The following NCAPD3 variants were observed in gnomAD, a reference collection of about 807,000 sequenced individuals.
NCAPD3 encodes condensin-2 complex subunit D3.
NCAPD3 carries 105 observed loss-of-function variants against 182.9 expected under a neutral mutation model. The observed-to-expected ratio is 0.57, with a 90% CI of 0.49 to 0.68. NCAPD3 has a LOEUF of 0.68. Ranked by LOEUF, NCAPD3 falls within the 30% of genes least tolerant of loss-of-function variation. NCAPD3 has a pLI of 0.00. For synonymous variants in NCAPD3, 815 were observed against 679.9 expected (o/e 1.20, Z -3.09); for missense variants, 1,944 against 1,837.0 (o/e 1.06, Z -1.07).
intron 3 of NCAPD3, among the ~76,000 whole-genome samples, chr11:134,213,839 A>C (rs922443797): frequency 6.6e-6 from 1 of 152,208 alleles, no homozygotes; most frequent in Non-Finnish European, 1.5e-5. Flanking sequence ...AAACAAGGAC[A>C]TAACATAATA....
At chr11:134,180,187 G>A (rs1944264142) in intron 20 of NCAPD3, among the ~76,000 whole-genome samples, 1 of 152,088 alleles carries the variant, frequency 6.6e-6, no homozygotes, top group Non-Finnish European at 1.5e-5. Context: ...TTCCCATAGT[G>A]AGGCTCTGTA....
chr11:134,179,033 C>T, intron 20 of NCAPD3, 97 bp from the exon 21 acceptor site: 2 of 775,340 alleles, frequency 2.6e-6, no homozygotes, highest in East Asian at 2.7e-5. Flanking sequence ...CCTTTATCCC[C>T]CAAATTTAAA....
At chr11:134,166,783 G>A (rs563055606) in intron 27 of NCAPD3, among the ~76,000 whole-genome samples, 20 of 113,790 alleles carry the variant, frequency 1.8e-4, no homozygotes, top group African/African-American at 4.6e-4. Context: ...TGGGGGAGGC[G>A]CACACTCGTG....
intron 3 of NCAPD3, among the ~76,000 whole-genome samples, chr11:134,215,994 C>T (rs1292432135): frequency 1.3e-5 from 2 of 152,204 alleles, no homozygotes; most frequent in Admixed American, 6.5e-5. Flanking sequence ...TAACAGCCAC[C>T]TCTTTGCTCT....
chr11:134,191,620 G>A (rs1486118324), intron 16 of NCAPD3, among the ~76,000 whole-genome samples: 1 of 152,116 alleles, frequency 6.6e-6, no homozygotes, highest in Non-Finnish European at 1.5e-5. Flanking sequence ...ACATTAACAT[G>A]AATTAATACA....
In NCAPD3 at chr11:134,158,572, T is replaced by C. The variant is rs1943493494; in HGVS notation, c.3868-77A>G. 23 of 1,455,680 alleles carry C rather than the reference T, an allele frequency of 1.6e-5. No homozygotes were observed. In the South Asian group the frequency reaches 1.6e-4, roughly 10 times the overall value. The allele number at this position is 1,455,680 out of a possible 1,614,324, so 90.2% of individuals were successfully genotyped here. A position where few individuals can be genotyped will look rare whatever the true frequency, so the allele number is the denominator to read the frequency against. On this transcript the variant is annotated intron_variant, in intron 29 of 34. Transcript: ENST00000534548. ...AAAACGGATATATGATAGTTGTACA[T>C]GGTTGGGGGTCCATATGAGATTTTG... is the stretch of plus-strand genomic sequence containing the variant.
intron 3 of NCAPD3, among the ~76,000 whole-genome samples, chr11:134,214,892 C>G (rs934067417): frequency 6.6e-6 from 1 of 152,098 alleles, no homozygotes; most frequent in Admixed American, 6.5e-5. Flanking sequence ...TACCAAGATA[C>G]CCAGATACTC....
At chr11:134,165,138 G>A (rs755084445) in intron 27 of NCAPD3, among the ~76,000 whole-genome samples, 9 of 151,538 alleles carry the variant, frequency 5.9e-5, no homozygotes, top group Non-Finnish European at 1.0e-4. Context: ...GCTTAGGGGA[G>A]CAGCACACTC....
At chr11:134,158,591 G>A in intron 29 of NCAPD3, 96 bp from the exon 30 acceptor site, 2 of 1,304,648 alleles carry the variant, frequency 1.5e-6, no homozygotes, top group Non-Finnish European at 2.1e-6. Flanking sequence ...GTCCATATGA[G>A]ATTTTGATAC....
rs764447865 is a variant in NCAPD3, at chr11:134,168,520, T to C, written c.3322A>G (p.Thr1108Ala). The change falls in exon 26 of 35, where the codon ACA (threonine) becomes GCA (alanine). Residue 1108 changes from threonine to alanine, a missense_variant. Thr to Ala is a moderately conservative substitution (Grantham distance 58, BLOSUM62 0). Around this residue, in one of 3 missense-constraint regions of NCAPD3, gnomAD observed 1,803 missense variants for 1,674.6 expected, o/e 1.08. Transcript: ENST00000534548. Reference sequence around the variant, plus strand: ...GTGATGTTGAATCGCTGTTCATCTGTGAAGTGCTCTAGAAGAAATTTGTAG... The same window carrying C: ...GTGATGTTGAATCGCTGTTCATCTGCGAAGTGCTCTAGAAGAAATTTGTAG... ...KIYKFLLEHF[T>A]DEQRFNITSK... The C allele has an allele frequency of 2.5e-6, 4 of 1,614,104 alleles. No individual in the cohort carries two copies. Among genetic ancestry groups the C allele is most frequent in the Non-Finnish European group, 3.4e-6 (4 of 1,180,042 alleles).
intron 3 of NCAPD3, among the ~76,000 whole-genome samples, chr11:134,212,021 A>T (rs145696838): frequency 1.2e-3 from 187 of 152,316 alleles, no homozygotes; most frequent in African/African-American, 4.3e-3. Context: ...CGCAATAAGC[A>T]CAGAGGCAAT....
Position 134,158,445 on chromosome 11 carries a change from A to C in NCAPD3, c.3918T>G (p.Pro1306=). 6.2e-7 allele frequency: 1 copy of C among 1,614,220 alleles called. No individual in the cohort carries two copies. The highest frequency in any genetic ancestry group is 8.5e-7 in the Non-Finnish European group (1 of 1,180,046). The change falls in exon 30 of 35, where the codon CCT becomes CCG. Residue 1306 remains proline (P), a synonymous_variant. Transcript: ENST00000534548. ...TVPVPAGQEN[P]AMSPAVSQPC... ...GCTGGCTCACGGCAGGTGACATGGC[A>C]GGGTTTTCTTGGCCAGCAGGAACTG... is the stretch of plus-strand genomic sequence containing the variant.
rs1299141891 is a variant in NCAPD3, at chr11:134,173,989, CA to C, written c.3101+2317del. Among the ~76,000 whole-genome samples the C allele has an allele frequency of 3.3e-5, 5 of 150,400 alleles. No individual in the cohort carries two copies. The East Asian group carries it at 9.8e-4, about 30-fold the overall frequency. On this transcript the variant is annotated intron_variant, in intron 24 of 34. Coordinates refer to ENST00000534548, the MANE Select transcript of NCAPD3 (RefSeq NM_015261.3). ...AAAAAAAAGAAAACAAACAAAAAAACAAAACAAAAACAAAACCCAGAACCTC... is the reference window on the plus strand; with the variant it reads ...AAAAAAAAGAAAACAAACAAAAAAACAAACAAAAACAAAACCCAGAACCTC...
At chr11:134,197,608 T>G (rs1038784089) in intron 13 of NCAPD3, among the ~76,000 whole-genome samples, 3 of 152,186 alleles carry the variant, frequency 2.0e-5, no homozygotes, top group Non-Finnish European at 2.9e-5. Flanking sequence ...CAAGAATGGC[T>G]TAATACAACA....
rs376457289 is a variant in NCAPD3 at position 134,176,404 on chromosome 11, G to A, written c.3022-18C>T. 37 of 1,610,594 alleles carry A rather than the reference G, an allele frequency of 2.3e-5. No individual in the cohort carries two copies. In the Middle Eastern group the frequency reaches 4.9e-4, roughly 21 times the overall value. ...AATTCCTCCTGTGCAGAGAGAAGCCGGCATGTTTCAGAGTGCGTCATCATG... is the reference window on the plus strand; with the variant it reads ...AATTCCTCCTGTGCAGAGAGAAGCCAGCATGTTTCAGAGTGCGTCATCATG... On this transcript the variant is annotated intron_variant, in intron 23 of 34. Transcript: ENST00000534548.
At position 134,194,671 on chromosome 11, in the gene NCAPD3, T is replaced by C. The variant is rs1944589435; in HGVS notation, c.1683A>G (p.Ala561=). 2.5e-6 allele frequency: 4 copies of C among 1,600,030 alleles called. No homozygotes were observed. Among genetic ancestry groups the C allele is most frequent in the Non-Finnish European group, 3.4e-6 (4 of 1,173,754 alleles). Residue 561 remains alanine (A), a synonymous_variant, in exon 14 of 35, where the codon GCA becomes GCG. Transcript: ENST00000534548. ...GTGCAGAGAAAACTCCCACCTGCAG[T>C]GCAGACTTCCTAACGTTGGTCTTCT... ...RDEKTNVRKS[A]LQVLVSILKH... is the part of the protein sequence containing the mutation.
intron 32 of NCAPD3, among the ~76,000 whole-genome samples, chr11:134,156,067 G>A (rs777116504): frequency 2.0e-5 from 3 of 152,232 alleles, no homozygotes; most frequent in African/African-American, 7.2e-5. Context: ...TTACCAGGAA[G>A]AGCACCTTAG....
chr11:134,167,186 C>T (rs551257325), intron 27 of NCAPD3, among the ~76,000 whole-genome samples: 1 of 112,270 alleles, frequency 8.9e-6, no homozygotes, highest in South Asian at 3.1e-4. Flanking sequence ...GGCGCACACT[C>T]GTGAGATGAG....
Position 134,178,678 on chromosome 11 carries a change from G to C in NCAPD3, c.2738C>G (p.Ser913Cys). ...ASQPPPQVRG[S>C]VMPSVIRAHA... ...TGCTCTAATCACAGAGGGCATGACA[G>C]AACCTCTGACCTGGGGGGGTGGCTG... The change falls in exon 22 of 35, where the codon TCT becomes TGT. Residue 913 changes from serine (S) to cysteine (C), a missense_variant. By Grantham distance (112) the Ser-to-Cys change is moderately radical. This residue lies in a region of NCAPD3 where 1,803 missense variants were observed against 1,674.6 expected (regional missense o/e 1.08). Coordinates refer to ENST00000534548, the MANE Select transcript of NCAPD3 (RefSeq NM_015261.3). 1 of 1,597,426 alleles carries C rather than the reference G, an allele frequency of 6.3e-7. No individual in the cohort carries two copies. The highest frequency in any genetic ancestry group is 8.5e-7 in the Non-Finnish European group (1 of 1,170,686).
Sources: allele counts gnomAD v4.1 joint callset (sites outside exome capture counted in the v4.1 genomes callset), GRCh38; gene constraint gnomAD v4.1.1; regional missense constraint gnomAD v4.1.1; transcripts MANE v1.5; gene names NCBI Gene and HGNC (gene_info 2026-07-23, HGNC 2026-07-21).